The following PSMA7 variants were observed in gnomAD, a reference collection of about 807,000 sequenced individuals.
PSMA7 encodes the protein proteasome 20S subunit alpha 7.
Under a neutral mutation model 31.3 loss-of-function variants are expected in PSMA7, and 5 were observed. That is an observed-to-expected ratio of 0.16 (90% CI 0.08 to 0.34). The LOEUF (loss-of-function observed/expected upper bound fraction) is 0.34. Ranked by LOEUF, PSMA7 falls within the 10% of genes least tolerant of loss-of-function variation. PSMA7 has a pLI of 1.00. For missense variants in PSMA7, 217 were observed against 327.5 expected (o/e 0.66, Z 2.60); for synonymous variants, 155 against 121.9 (o/e 1.27, Z -1.79).
rs1441910409 is a variant in PSMA7 at position 62,138,200 on chromosome 20, T to C, written c.562A>G (p.Ile188Val). ...AGGAGTGCCTTGATCACCAGCTTAA[T>C]GGTCAGATCATCTGTTTCAATGGCT... is the stretch of plus-strand genomic sequence containing the variant. ...DEAIETDDLT[I>V]KLVIKALLEV... The change falls in exon 5 of 7, where the codon ATT (isoleucine) becomes GTT (valine). Residue 188 changes from isoleucine to valine, a missense_variant. Ile to Val is a conservative substitution (Grantham distance 29). This residue lies in a region of PSMA7 where 88 missense variants were observed against 111.6 expected (regional missense o/e 0.79). Coordinates refer to ENST00000370873, the MANE Select transcript of PSMA7 (RefSeq NM_002792.4). The C allele has an allele frequency of 2.5e-6, 4 of 1,614,122 alleles. No homozygotes were observed. Among genetic ancestry groups the C allele is most frequent in the African/African-American group, 2.7e-5 (2 of 74,942 alleles).
Position 62,139,131 on chromosome 20 carries a change from C to G in PSMA7, c.415G>C (p.Asp139His), listed in dbSNP as rs1272234268. 5 of 1,614,188 alleles carry G rather than the reference C, an allele frequency of 3.1e-6. No homozygotes were observed. Among genetic ancestry groups the G allele is most frequent in the Non-Finnish European group, 3.4e-6 (4 of 1,180,024 alleles). The change falls in exon 4 of 7, where the codon GAT becomes CAT. Residue 139 changes from aspartate to histidine, a missense_variant. Transcript: ENST00000370873. ...ISALIVGFDF[D>H]GTPRLYQTDP... ...GTCTGATAGAGCCTAGGAGTGCCAT[C>G]AAAGTCGAAACCCACGATGAGGGCA...
intron 5 of PSMA7, 40 bp from the exon 6 acceptor site, chr20:62,137,466 C>G (rs2056902486): frequency 6.3e-7 from 1 of 1,594,074 alleles, no homozygotes; most frequent in South Asian, 1.1e-5. Flanking sequence ...CCACCTTTCC[C>G]TATTCAAGAC....
rs200346540 is a variant in PSMA7 at position 62,138,327 on chromosome 20, C to T, written c.472-37G>A. 2.0e-5 allele frequency: 31 copies of T among 1,559,190 alleles called. No homozygotes were observed. In the Admixed American group the frequency reaches 2.6e-4, roughly 13 times the overall value. ...ACGTATGTTCTCACGTGGCATAGGGCATGACAACCCAGGGCCAGCCCTGGA... is the reference window on the plus strand; with the variant it reads ...ACGTATGTTCTCACGTGGCATAGGGTATGACAACCCAGGGCCAGCCCTGGA... On this transcript the variant is annotated intron_variant, in intron 4 of 6. Coordinates refer to ENST00000370873, the MANE Select transcript of PSMA7 (RefSeq NM_002792.4).
chr20:62,136,787 A>T lies in PSMA7; in HGVS notation c.*70T>A, dbSNP rs1034935461. On this transcript the variant is annotated 3_prime_UTR_variant, in exon 7 of 7. Coordinates refer to ENST00000370873, the MANE Select transcript of PSMA7 (RefSeq NM_002792.4). ...CTCAGTGTGAATAAATGGAATGGAA[A>T]GGCCTACACATCGAGACTCATCCAT... 8 of 1,526,852 alleles carry T rather than the reference A, an allele frequency of 5.2e-6. No individual in the cohort carries two copies. Among genetic ancestry groups the T allele is most frequent in the Admixed American group, 2.4e-5 (1 of 42,294 alleles). The allele number at this position is 1,526,852 out of a possible 1,614,324, so 94.6% of individuals were successfully genotyped here.
At chr20:62,141,952 G>T (rs2056930961) in intron 1 of PSMA7, among the ~76,000 whole-genome samples, 1 of 152,234 alleles carries the variant, frequency 6.6e-6, no homozygotes, top group African/African-American at 2.4e-5. Context: ...TCAGCACTGT[G>T]AGCACCTGGG....
chr20:62,139,681 A>G, intron 3 of PSMA7, 100 bp downstream of exon 3: 1 of 1,581,386 alleles, frequency 6.3e-7, no homozygotes, highest in East Asian at 2.2e-5. Context: ...AGAATAAATC[A>G]GTTTTCTGAT....
rs1020381260 is a variant in PSMA7, at chr20:62,139,438, T to G, written c.349-241A>C. On this transcript the variant is annotated intron_variant, in intron 3 of 6. Coordinates refer to ENST00000370873, the MANE Select transcript of PSMA7 (RefSeq NM_002792.4). ...GGTTACTGGAAATTACTTTGACAGGTAGACACACATTCTGCTTACATACTA... is the reference window on the plus strand; with the variant it reads ...GGTTACTGGAAATTACTTTGACAGGGAGACACACATTCTGCTTACATACTA... The G allele has an allele frequency of 9.3e-6, 6 of 646,374 alleles. No individual in the cohort carries two copies. In the East Asian group the frequency reaches 1.4e-4, roughly 15 times the overall value. 40.0% of individuals were successfully genotyped at this position (646,374 alleles called of 1,614,324 possible).
intron 5 of PSMA7, 147 bp from the exon 6 acceptor site, chr20:62,137,573 C>A: frequency 1.3e-6 from 1 of 751,028 alleles, no homozygotes; most frequent in Admixed American, 2.5e-5. Context: ...GTGTCTTTGT[C>A]CTAAACTCAT....
chr20:62,138,825 T>C (rs2056910393), intron 4 of PSMA7, among the ~76,000 whole-genome samples: 1 of 152,224 alleles, frequency 6.6e-6, no homozygotes, highest in South Asian at 2.1e-4. Flanking sequence ...CCCAAAGTGC[T>C]GGGATTACAG....
intron 1 of PSMA7, 51 bp downstream of exon 1, chr20:62,143,132 GGCCCCGGCCCTCTCTGGGCTCCCCA>G: frequency 1.0e-6 from 1 of 961,846 alleles, no homozygotes; most frequent in Middle Eastern, 4.8e-4. Context: ...CGCCGCGCCC[GGCCCCGGCCCTCTCTGGGCTCCCCA>G]GCCCCACTTC....
intron 2 of PSMA7, among the ~76,000 whole-genome samples, 170 bp downstream of exon 2, chr20:62,140,648 G>A (rs1311411441): frequency 6.6e-6 from 1 of 152,198 alleles, no homozygotes; most frequent in Non-Finnish European, 1.5e-5. Context: ...GCAGAGAGAG[G>A]CCACCAAAGA....
chr20:62,140,956 A>T lies in PSMA7; in HGVS notation c.97-12T>A. Reference sequence around the variant, plus strand: ...CCTCGAACACCAACCTTTAATTAAGATCCACAAACCACGTAAGAAAGTGAT... The same window carrying T: ...CCTCGAACACCAACCTTTAATTAAGTTCCACAAACCACGTAAGAAAGTGAT... On this transcript the variant is annotated splice_polypyrimidine_tract_variant and intron_variant, in intron 1 of 6. Coordinates refer to ENST00000370873, the MANE Select transcript of PSMA7 (RefSeq NM_002792.4). 3 of 1,613,948 alleles carry T rather than the reference A, an allele frequency of 1.9e-6. No individual in the cohort carries two copies. The highest frequency in any genetic ancestry group is 2.5e-6 in the Non-Finnish European group (3 of 1,179,982).
intron 6 of PSMA7, 54 bp downstream of exon 6, chr20:62,137,310 C>G (rs957050554): frequency 1.3e-5 from 21 of 1,566,248 alleles, no homozygotes; most frequent in Non-Finnish European, 2.6e-6. Flanking sequence ...CTGCTCAGCC[C>G]TGATCATGGG....
chr20:62,138,050 C>T, intron 5 of PSMA7, 121 bp downstream of exon 5: 1 of 1,346,608 alleles, frequency 7.4e-7, no homozygotes, highest in South Asian at 1.3e-5. Context: ...GCCTGGAACA[C>T]AGCAGTCATT....
rs3827118 is a variant in PSMA7 at position 62,138,850 on chromosome 20, G to A, written c.471+225C>T. On this transcript the variant is annotated intron_variant, in intron 4 of 6. Transcript: ENST00000370873. ...TGGGATTACAGGCGTGAGTCACCAC[G>A]CCCACCCAAGAATTTTAATTTATGT... is the stretch of plus-strand genomic sequence containing the variant. 0.63 allele frequency among the ~76,000 whole-genome samples: 96,465 copies of A among 152,096 alleles called. 35,066 individuals carry two copies. Among genetic ancestry groups the A allele is most frequent in the Non-Finnish European group, 0.8 (54,421 of 67,986 alleles).
At chr20:62,137,001 C>G in intron 6 of PSMA7, 52 bp from the exon 7 acceptor site, 1 of 1,582,314 alleles carries the variant, frequency 6.3e-7, no homozygotes, top group African/African-American at 1.4e-5. Context: ...GCCAAGGAAC[C>G]AGCGCCCTCT....
intron 5 of PSMA7, 185 bp from the exon 6 acceptor site, chr20:62,137,611 C>A: frequency 1.6e-6 from 1 of 630,906 alleles, no homozygotes; most frequent in Non-Finnish European, 2.8e-6. Flanking sequence ...GTTTGGGATG[C>A]CTGCACACCC....
At chr20:62,137,038 A>G in intron 6 of PSMA7, 89 bp from the exon 7 acceptor site, 1 of 1,525,062 alleles carries the variant, frequency 6.6e-7, no homozygotes, top group Non-Finnish European at 8.9e-7. Context: ...AGGCTTTGGC[A>G]CTGCTGCTCA....
rs779060502 is a variant in PSMA7, at chr20:62,136,952, A to G, written c.655-3T>C. 3.8e-6 allele frequency: 6 copies of G among 1,596,976 alleles called. No individual in the cohort carries two copies. In the East Asian group the frequency reaches 1.3e-4, roughly 36 times the overall value. ...TCAATTTCTTCAGGATTTAAAATCT[A>G]TAGAAAAAAACTTCATGGTTACCTA... On this transcript the variant is annotated splice_polypyrimidine_tract_variant and splice_region_variant and intron_variant, in intron 6 of 6. Transcript: ENST00000370873.
Sources: gnomAD v4.1 joint callset for allele counts (sites outside exome capture counted in the v4.1 genomes callset) on GRCh38, gnomAD v4.1.1 for gene constraint, gnomAD v4.1.1 regional missense constraint, MANE v1.5 for transcripts, NCBI Gene and HGNC (gene_info 2026-07-23, HGNC 2026-07-21) for gene names.